The following NIBAN1 variants were observed in gnomAD, a reference collection of about 807,000 sequenced individuals.
NIBAN1 encodes niban apoptosis regulator 1.
In NIBAN1, 81 loss-of-function variants were observed where a neutral mutation model predicts 75.1. That is an observed-to-expected ratio of 1.08 (90% CI 0.90 to 1.30). The LOEUF is 1.30. NIBAN1 is among the 50% of genes most tolerant of loss of function. NIBAN1 has a pLI of 0.00. For synonymous variants in NIBAN1, 436 were observed against 424.8 expected (o/e 1.03, Z -0.32); for missense variants, 1,133 against 1,128.1 (o/e 1.00, Z -0.06).
At chr1:184,860,704 AG>A (rs1655795050) in intron 5 of NIBAN1, among the ~76,000 whole-genome samples, 1 of 152,214 alleles carries the variant, frequency 6.6e-6, no homozygotes, top group Non-Finnish European at 1.5e-5. Flanking sequence ...GAGTAATGAG[AG>A]TGAGTAACAC....
intron 5 of NIBAN1, among the ~76,000 whole-genome samples, chr1:184,884,142 T>C (rs1656447803): frequency 6.6e-6 from 1 of 151,192 alleles, no homozygotes; most frequent in East Asian, 1.9e-4. Flanking sequence ...AGCAAGCAGG[T>C]GAGGCTCCTT....
rs76747965 is a variant in NIBAN1, at chr1:184,911,486, C to T, written c.56-12177G>A. ...GAAACCAGCTGACCTTATATGAGTA[C>T]CCCCTCCCTTAATCGCATTCAGGTG... On this transcript the variant is annotated intron_variant, in intron 1 of 13. Coordinates refer to ENST00000367511, the MANE Select transcript of NIBAN1 (RefSeq NM_052966.4). Among the ~76,000 whole-genome samples, 42 of 151,944 alleles carry T rather than the reference C, an allele frequency of 2.8e-4. 1 individual carries two copies. The East Asian group carries it at 7.2e-3, about 26-fold the overall frequency.
At chr1:184,952,010 G>C (rs892725802) in intron 1 of NIBAN1, among the ~76,000 whole-genome samples, 36 of 152,142 alleles carry the variant, frequency 2.4e-4, no homozygotes, top group African/African-American at 8.7e-4. Flanking sequence ...ATGAGAGCAG[G>C]GATTTAGTCT....
At chr1:184,894,747 G>T (rs141313547) in intron 2 of NIBAN1, among the ~76,000 whole-genome samples, 3 of 152,296 alleles carry the variant, frequency 2.0e-5, no homozygotes, top group East Asian at 3.9e-4. Flanking sequence ...GATCATGTTT[G>T]CTATTTGGTT....
Position 184,798,175 on chromosome 1 carries a change from C to G in NIBAN1, c.1570G>C (p.Glu524Gln). Residue 524 changes from glutamate (E) to glutamine (Q), a missense_variant, in exon 13 of 14, where the codon GAG becomes CAG. By Grantham distance (29) the Glu-to-Gln change is conservative. Coordinates refer to ENST00000367511, the MANE Select transcript of NIBAN1 (RefSeq NM_052966.4). ...STCKPELQKY[E>Q]QFIFADHTNM... ...GTATGATCTGCAAAGATGAACTGCT[C>G]GTATTTCTGAAGCTCCTGGAGAGCA... The G allele has an allele frequency of 6.2e-7, 1 of 1,602,210 alleles. No individual in the cohort carries two copies. Among genetic ancestry groups the G allele is most frequent in the Non-Finnish European group, 8.5e-7 (1 of 1,171,232 alleles).
intron 1 of NIBAN1, among the ~76,000 whole-genome samples, chr1:184,905,531 T>C (rs1324696461): frequency 6.6e-6 from 1 of 152,144 alleles, no homozygotes; most frequent in Non-Finnish European, 1.5e-5. Flanking sequence ...TATTTCCCAC[T>C]TCTTTCACTC....
At chr1:184,938,944 A>G (rs1202411261) in intron 1 of NIBAN1, among the ~76,000 whole-genome samples, 1 of 152,196 alleles carries the variant, frequency 6.6e-6, no homozygotes, top group African/African-American at 2.4e-5. Context: ...AGCTAAATCG[A>G]GTTACTTAGG....
intron 7 of NIBAN1, 127 bp downstream of exon 7, chr1:184,823,511 G>T: frequency 8.0e-7 from 1 of 1,246,112 alleles, no homozygotes; most frequent in Non-Finnish European, 1.1e-6. Context: ...GACTCAGCAG[G>T]TTCGAAGTAG....
In NIBAN1 at chr1:184,858,077, C is replaced by A. The variant is rs78326823; in HGVS notation, c.602-26115G>T. 3.3e-5 allele frequency among the ~76,000 whole-genome samples: 5 copies of A among 151,954 alleles called. 1 individual carries two copies. In the East Asian group the frequency reaches 9.6e-4, roughly 29 times the overall value. ...ATATTTGACTGCATAAAAATAGACA[C>A]CTTTGCATGGCAAAATATATCATAA... is the stretch of plus-strand genomic sequence containing the variant. On this transcript the variant is annotated intron_variant, in intron 5 of 13. Coordinates refer to ENST00000367511, the MANE Select transcript of NIBAN1 (RefSeq NM_052966.4).
chr1:184,811,946 C>A (rs970813057), intron 9 of NIBAN1, among the ~76,000 whole-genome samples: 1 of 152,134 alleles, frequency 6.6e-6, no homozygotes, highest in Admixed American at 6.6e-5. Flanking sequence ...TAGGCATGTA[C>A]AGGATTGTGG....
Position 184,897,145 on chromosome 1 carries a change from T to C in NIBAN1, c.186+2034A>G, listed in dbSNP as rs542626942. Among the ~76,000 whole-genome samples, 32 of 152,280 alleles carry C rather than the reference T, an allele frequency of 2.1e-4. No homozygotes were observed. The Middle Eastern group carries it at 0.01, about 49-fold the overall frequency. Reference sequence around the variant, plus strand: ...ATTGCTTTGGGGAACATGGTCATTTTAATGATAGTGATTTTTCCAATCTGT... The same window carrying C: ...ATTGCTTTGGGGAACATGGTCATTTCAATGATAGTGATTTTTCCAATCTGT... On this transcript the variant is annotated intron_variant, in intron 2 of 13. Coordinates refer to ENST00000367511, the MANE Select transcript of NIBAN1 (RefSeq NM_052966.4).
chr1:184,952,625 G>C (rs12125630), intron 1 of NIBAN1, among the ~76,000 whole-genome samples: 4 of 152,302 alleles, frequency 2.6e-5, no homozygotes, highest in Admixed American at 1.3e-4. Context: ...TTACAAATTT[G>C]TGTTGGGCCA....
rs1039525629 is a variant in NIBAN1, at chr1:184,905,165, C to T, written c.56-5856G>A. On this transcript the variant is annotated intron_variant, in intron 1 of 13. Coordinates refer to ENST00000367511, the MANE Select transcript of NIBAN1 (RefSeq NM_052966.4). The stretch of plus-strand genomic sequence containing the variant: ...TCTGAGAAGTGGCCGGAGTCCAGGG[C>T]TGATGGGGCAGAACAGGAGAGGCTA... 6.6e-5 allele frequency among the ~76,000 whole-genome samples: 10 copies of T among 152,162 alleles called. 1 individual carries two copies. The highest frequency in any genetic ancestry group is 4.2e-4 in the South Asian group (2 of 4,818).
At chr1:184,809,368 G>A (rs1343874298) in intron 9 of NIBAN1, among the ~76,000 whole-genome samples, 1 of 152,206 alleles carries the variant, frequency 6.6e-6, no homozygotes, top group East Asian at 1.9e-4. Context: ...GGAAAAATGG[G>A]TTCCCACTTT....
At chr1:184,948,943 A>C (rs1038700841) in intron 1 of NIBAN1, among the ~76,000 whole-genome samples, 1 of 152,192 alleles carries the variant, frequency 6.6e-6, no homozygotes, top group Non-Finnish European at 1.5e-5. Context: ...TTTATGTAGT[A>C]ATTTAGAATC....
In NIBAN1 at chr1:184,851,628, T is replaced by TAA. The variant is rs537374977; in HGVS notation, c.602-19668_602-19667dup. ...ATGTACCCTAAAACTTAGAGTATAA[T>TAA]AAAAAAAAAAAAAATTAAAAAAAAA... is the stretch of plus-strand genomic sequence containing the variant. On this transcript the variant is annotated intron_variant, in intron 5 of 13. Transcript: ENST00000367511. 2.6e-4 allele frequency among the ~76,000 whole-genome samples: 6 copies of TAA among 22,920 alleles called. 2 individuals are homozygous for TAA. Among genetic ancestry groups the TAA allele is most frequent in the African/African-American group, 7.6e-4 (6 of 7,928 alleles). The allele number at this position is 22,920 out of a possible 152,430, so 15.0% of individuals were successfully genotyped here. A position where few individuals can be genotyped will look rare whatever the true frequency, so the allele number is the denominator to read the frequency against.
At chr1:184,945,490 A>T (rs1420395568) in intron 1 of NIBAN1, among the ~76,000 whole-genome samples, 2 of 152,258 alleles carry the variant, frequency 1.3e-5, no homozygotes, top group Non-Finnish European at 2.9e-5. Flanking sequence ...TGCCCAACTT[A>T]AAAGAAATTA....
intron 1 of NIBAN1, among the ~76,000 whole-genome samples, chr1:184,904,944 CAA>C (rs577289199): frequency 1.4e-5 from 2 of 142,652 alleles, no homozygotes; most frequent in Middle Eastern, 3.6e-3. Context: ...AGATCTGTCT[CAA>C]AAAAAAAAAA....
chr1:184,829,548 C>A lies in NIBAN1; in HGVS notation c.717+2299G>T, dbSNP rs149541258. ...GTGGCATGATCTTGGCTCACTGCAA[C>A]CTCCGCCTCCCAGGTTTAAGCAATT... is the stretch of plus-strand genomic sequence containing the variant. On this transcript the variant is annotated intron_variant, in intron 6 of 13. Coordinates refer to ENST00000367511, the MANE Select transcript of NIBAN1 (RefSeq NM_052966.4). Among the ~76,000 whole-genome samples the A allele has an allele frequency of 3.1e-3, 446 of 142,986 alleles. 5 individuals carry two copies. The East Asian group carries it at 0.041, about 13-fold the overall frequency. 93.8% of individuals were successfully genotyped at this position (142,986 alleles called of 152,430 possible). A position where few individuals can be genotyped will look rare whatever the true frequency, so the allele number is the denominator to read the frequency against.
Sources: gnomAD v4.1 joint callset for allele counts (sites outside exome capture counted in the v4.1 genomes callset) on GRCh38, gnomAD v4.1.1 for gene constraint, MANE v1.5 for transcripts, NCBI Gene and HGNC (gene_info 2026-07-23, HGNC 2026-07-21) for gene names.